The following ARV1 variants were observed in gnomAD, a reference collection of about 807,000 sequenced individuals.
ARV1 encodes the protein ARV1 fatty acid homeostasis modulator, also known as protein ARV1.
Under a neutral mutation model 31.1 loss-of-function variants are expected in ARV1, and 26 were observed. That is an observed-to-expected ratio of 0.84 (90% CI 0.61 to 1.16). The LOEUF (loss-of-function observed/expected upper bound fraction) is 1.16. ARV1 is among the 50% of genes most tolerant of loss of function. The pLI, the probability that ARV1 is intolerant of heterozygous loss-of-function variation, is 0.00. For missense variants in ARV1, 281 were observed against 324.9 expected (o/e 0.86, Z 1.04); for synonymous variants, 117 against 123.2 (o/e 0.95, Z 0.34).
chr1:230,984,357 T>TGTGC (rs1553303926), intron 1 of ARV1, among the ~76,000 whole-genome samples: 183 of 62,140 alleles, frequency 2.9e-3, no homozygotes, highest in African/African-American at 0.011. Flanking sequence ...TGTGTGTGTG[T>TGTGC]GTGTGCGTGT....
chr1:230,999,084 C>T (rs992630006), intron 5 of ARV1, among the ~76,000 whole-genome samples: 6 of 152,154 alleles, frequency 3.9e-5, no homozygotes, highest in Non-Finnish European at 5.9e-5. Context: ...GGATTCTGTC[C>T]TCAGCCCTCT....
chr1:230,984,373 T>TGTGTGTGCGCGTGC (rs1553303987), intron 1 of ARV1, among the ~76,000 whole-genome samples: 1 of 111,016 alleles, frequency 9.0e-6, no homozygotes, highest in African/African-American at 3.3e-5. Flanking sequence ...CGTGTGTGTG[T>TGTGTGTGCGCGTGC]GTGTGTGTGT....
intron 1 of ARV1, among the ~76,000 whole-genome samples, chr1:230,984,397 T>TTTTTTCCTCTTCACATTCAAG (rs1679003183): frequency 6.6e-6 from 1 of 151,000 alleles, no homozygotes; most frequent in East Asian, 1.9e-4. Context: ...TGTGTGTGTG[T>TTTTTTCCTCTTCACATTCAAG]GTGTAGTTTT....
intron 5 of ARV1, among the ~76,000 whole-genome samples, chr1:230,999,020 C>A (rs1679454008): frequency 6.6e-6 from 1 of 152,190 alleles, no homozygotes; most frequent in African/African-American, 2.4e-5. Context: ...CTGAAACAGG[C>A]CACCCAGTCC....
intron 1 of ARV1, among the ~76,000 whole-genome samples, chr1:230,982,011 A>T (rs1678923678): frequency 6.6e-6 from 1 of 152,238 alleles, no homozygotes. Context: ...CTTTCTCTAT[A>T]GCACCTATCT....
intron 1 of ARV1, chr1:230,979,501 A>C: frequency 1.9e-6 from 1 of 527,722 alleles, no homozygotes; most frequent in South Asian, 2.6e-5. Flanking sequence ...CGGCGAACGG[A>C]CCGGACCGAC....
chr1:230,994,273 C>T (rs1679304104), intron 3 of ARV1, among the ~76,000 whole-genome samples: 1 of 152,236 alleles, frequency 6.6e-6, no homozygotes, highest in Non-Finnish European at 1.5e-5. Context: ...AGAAATCTTT[C>T]TGTCTAGACT....
At chr1:230,999,689 A>G (rs1679469912) in intron 5 of ARV1, 1 of 152,116 alleles carries the variant, frequency 6.6e-6, no homozygotes, top group African/African-American at 2.4e-5. Context: ...GGAATAAGTG[A>G]AGACTTTCCA....
At chr1:230,990,863 G>A (rs1173454427) in intron 3 of ARV1, among the ~76,000 whole-genome samples, 1 of 152,108 alleles carries the variant, frequency 6.6e-6, no homozygotes, top group East Asian at 1.9e-4. Context: ...GAGCCACTGT[G>A]CCTGGCCAAT....
intron 4 of ARV1, 145 bp from the exon 5 acceptor site, chr1:230,996,976 G>T: frequency 1.1e-6 from 1 of 933,452 alleles, no homozygotes. Context: ...ATGGAAAAGT[G>T]GGAGAAGGTA....
intron 1 of ARV1, among the ~76,000 whole-genome samples, chr1:230,982,429 C>T (rs1256419834): frequency 6.6e-6 from 1 of 152,186 alleles, no homozygotes; most frequent in Non-Finnish European, 1.5e-5. Flanking sequence ...ATTAAGCTAA[C>T]AAAATCCCTT....
chr1:230,990,659 A>G (rs761032262), intron 3 of ARV1: 1 of 358,384 alleles, frequency 2.8e-6, no homozygotes, highest in Non-Finnish European at 5.7e-6. Context: ...GGCTCAAGCA[A>G]TCCTCCTGCC....
At chr1:230,990,059 G>A in intron 2 of ARV1, 51 bp from the exon 3 acceptor site, 1 of 1,543,622 alleles carries the variant, frequency 6.5e-7, no homozygotes, top group Non-Finnish European at 8.7e-7. Flanking sequence ...GTTGATACTA[G>A]TGCAACTGGG....
At chr1:230,997,057 G>A (rs750479039) in intron 4 of ARV1, 64 bp from the exon 5 acceptor site, 53 of 1,566,740 alleles carry the variant, frequency 3.4e-5, no homozygotes, top group South Asian at 4.7e-5. Flanking sequence ...CATACTACCC[G>A]AAAATTTACA....
At chr1:230,993,794 C>T (rs1189145464) in intron 3 of ARV1, among the ~76,000 whole-genome samples, 1 of 152,108 alleles carries the variant, frequency 6.6e-6, no homozygotes, top group Non-Finnish European at 1.5e-5. Context: ...ACTTGAGGGG[C>T]AGAGACAGGA....
At chr1:230,997,038 A>G (rs549642561) in intron 4 of ARV1, 83 bp from the exon 5 acceptor site, 3 of 1,506,750 alleles carry the variant, frequency 2.0e-6, no homozygotes, top group East Asian at 2.3e-5. Context: ...ACAGCTTTAC[A>G]AAACAATTCA....
Position 230,995,992 on chromosome 1 carries a change from T to A in ARV1, c.673+8T>A, listed in dbSNP as rs1227182008. On this transcript the variant is annotated splice_region_variant and intron_variant, in intron 4 of 5. Coordinates refer to ENST00000310256, the MANE Select transcript of ARV1 (RefSeq NM_022786.3). ...ATTTTCAGGCAATTAGAGGTATGTT[T>A]ATGTGTTTATTCTGCCTTCTCAGTT... The A allele has an allele frequency of 7.5e-6, 12 of 1,604,426 alleles. No individual in the cohort carries two copies. In the East Asian group the frequency reaches 2.7e-4, roughly 36 times the overall value.
Position 230,997,107 on chromosome 1 carries a change from C to G in ARV1, c.674-14C>G, listed in dbSNP as rs373913887. On this transcript the variant is annotated splice_polypyrimidine_tract_variant and intron_variant, in intron 4 of 5. Transcript: ENST00000310256. ...CATTAATTCTGAACTTATTGGCTGC[C>G]TTCTCCTTTCCAGTGACCCTAAACA... 1.8e-5 allele frequency: 29 copies of G among 1,611,950 alleles called. No individual in the cohort carries two copies. The highest frequency in any genetic ancestry group is 1.6e-4 in the Middle Eastern group (1 of 6,078).
chr1:230,990,292 A>T, intron 3 of ARV1, 29 bp downstream of exon 3: 2 of 1,610,926 alleles, frequency 1.2e-6, no homozygotes, highest in Non-Finnish European at 1.7e-6. Context: ...TTCCATTCTT[A>T]GTTAACTATT....
Sources: allele counts gnomAD v4.1 joint callset (sites outside exome capture counted in the v4.1 genomes callset), GRCh38; gene constraint gnomAD v4.1.1; transcripts MANE v1.5; gene names NCBI Gene and HGNC (gene_info 2026-07-23, HGNC 2026-07-21).